Variants in SMIM23 observed in about 807,000 individuals in gnomAD.
SMIM23 encodes small integral membrane protein 23, also known as CTB-78H18.1.
In SMIM23, 10 loss-of-function variants were observed where a neutral mutation model predicts 12.8. The ratio of observed to expected loss-of-function variants is 0.78; its 90% CI spans 0.48 to 1.32. SMIM23 has a LOEUF of 1.32. Among genes scored for constraint, SMIM23 ranks in the 40% most tolerant of loss-of-function variants. SMIM23 has a pLI of 0.00. For missense variants in SMIM23, 184 were observed against 198.2 expected, an observed-to-expected ratio of 0.93 and a Z score of 0.43; for synonymous variants, 78 against 80.1, an observed-to-expected ratio of 0.97 and a Z score of 0.14.
chr5:171,785,750 C>T, upstream of SMIM23: 1 of 749,304 alleles, frequency 1.3e-6, no homozygotes, highest in Non-Finnish European at 2.2e-6. Flanking sequence ...CCTTGCTGTC[C>T]CTACCTTCTG....
the SMIM23 span, among the ~76,000 whole-genome samples, chr5:171,776,238 G>C: frequency 7.5e-6 from 1 of 133,082 alleles, no homozygotes; most frequent in South Asian, 2.8e-4. Context: ...ACAGCGTGCA[G>C]CCCACGGTCT....
Position 171,791,073 on chromosome 5 carries a change from C to A in SMIM23, c.504C>A (p.Ser168Arg). ...AGGGGTTGCTAGAGATTTCTCTAAGCGGGGCAGAGCTCTGACTCTTGAAGT... is the reference window on the plus strand; with the variant it reads ...AGGGGTTGCTAGAGATTTCTCTAAGAGGGGCAGAGCTCTGACTCTTGAAGT... ...GGEGLLEISL[S>R]GAEL The change falls in exon 4 of 4, where the codon AGC (serine) becomes AGA (arginine). Residue 168 changes from serine to arginine, a missense_variant. Coordinates refer to ENST00000523047, the MANE Select transcript of SMIM23 (RefSeq NM_001289970.2). 1.3e-6 allele frequency: 2 copies of A among 1,501,724 alleles called. No individual in the cohort carries two copies. Among genetic ancestry groups the A allele is most frequent in the Middle Eastern group, 2.4e-4 (1 of 4,218 alleles). 93.0% of individuals were successfully genotyped at this position (1,501,724 alleles called of 1,614,324 possible). A position where few individuals can be genotyped will look rare whatever the true frequency, so the allele number is the denominator to read the frequency against.
intron 1 of SMIM23, among the ~76,000 whole-genome samples, chr5:171,789,192 T>G (rs1019046155): frequency 1.3e-5 from 2 of 152,328 alleles, no homozygotes; most frequent in Admixed American, 6.5e-5. Context: ...CTCAACAAAA[T>G]AGTAGCTTAT....
At chr5:171,773,601 T>A in the SMIM23 span, 10 of 335,862 alleles carry the variant, frequency 3.0e-5, no homozygotes, top group African/African-American at 1.8e-4. Context: ...TGTTTGCCAA[T>A]GATTCAAGGC....
chr5:171,775,364 G>GCTGT, the SMIM23 span, among the ~76,000 whole-genome samples: 2 of 151,712 alleles, frequency 1.3e-5, no homozygotes, highest in Admixed American at 1.3e-4. Flanking sequence ...TTCGGGCCCT[G>GCTGT]CTGTCACGTG....
chr5:171,773,929 G>C, the SMIM23 span: 1 of 438,682 alleles, frequency 2.3e-6, no homozygotes, highest in Non-Finnish European at 4.5e-6. Flanking sequence ...ACTACACCAA[G>C]GAGGTGGGGC....
At chr5:171,783,812 G>A (rs1755764932), upstream of SMIM23, among the ~76,000 whole-genome samples, 1 of 152,216 alleles carries the variant, frequency 6.6e-6, no homozygotes, top group African/African-American at 2.4e-5. Context: ...ATCCTAAGAA[G>A]GACTAGTATC....
chr5:171,786,054 C>T, intron 1 of SMIM23, 78 bp downstream of exon 1: 2 of 1,178,862 alleles, frequency 1.7e-6, no homozygotes, highest in East Asian at 2.6e-5. Flanking sequence ...AGAAGTCCCT[C>T]AAAGCCCGGA....
At chr5:171,775,634 C>T in the SMIM23 span, among the ~76,000 whole-genome samples, 1 of 152,090 alleles carries the variant, frequency 6.6e-6, no homozygotes, top group African/African-American at 2.4e-5. Context: ...GTGGGTAAGG[C>T]CCCCAATGTC....
chr5:171,774,681 G>A, the SMIM23 span: 3 of 435,686 alleles, frequency 6.9e-6, no homozygotes, highest in Non-Finnish European at 1.4e-5. Flanking sequence ...ATCCCAGGAA[G>A]TGTCTTGGAT....
intron 1 of SMIM23, among the ~76,000 whole-genome samples, chr5:171,787,446 C>A (rs1755839558): frequency 6.6e-6 from 1 of 152,220 alleles, no homozygotes; most frequent in African/African-American, 2.4e-5. Flanking sequence ...AGTCCATGTT[C>A]CTCCCTTTGC....
the SMIM23 span, among the ~76,000 whole-genome samples, chr5:171,773,133 G>A: frequency 2.6e-5 from 4 of 152,174 alleles, no homozygotes; most frequent in African/African-American, 4.8e-5. Context: ...ACCTGGGTTC[G>A]AATCCTGACT....
At chr5:171,782,201 A>T (rs1755741413), upstream of SMIM23, among the ~76,000 whole-genome samples, 1 of 152,248 alleles carries the variant, frequency 6.6e-6, no homozygotes, top group Admixed American at 6.5e-5. Context: ...CGGTGAAGCC[A>T]CTAAAGGAAC....
At chr5:171,774,734 C>T in the SMIM23 span, 1 of 397,238 alleles carries the variant, frequency 2.5e-6, no homozygotes. Context: ...CACAACCTGA[C>T]ATGCAGCTAT....
the SMIM23 span, among the ~76,000 whole-genome samples, chr5:171,773,146 C>T: frequency 6.6e-6 from 1 of 152,172 alleles, no homozygotes; most frequent in Non-Finnish European, 1.5e-5. Context: ...TCCTGACTCT[C>T]CTGCCAGCAA....
chr5:171,789,830 C>A (rs565328204), intron 1 of SMIM23, among the ~76,000 whole-genome samples: 16 of 152,240 alleles, frequency 1.1e-4, no homozygotes, highest in African/African-American at 3.9e-4. Flanking sequence ...TCTAAGATGA[C>A]GGAAATGCTC....
the SMIM23 span, chr5:171,774,491 G>A: frequency 2.2e-6 from 1 of 456,266 alleles, no homozygotes; most frequent in Non-Finnish European, 4.4e-6. Context: ...TTGCACCTCG[G>A]ATGGCCGAGG....
chr5:171,777,032 T>C, the SMIM23 span, among the ~76,000 whole-genome samples: 1 of 151,458 alleles, frequency 6.6e-6, no homozygotes, highest in African/African-American at 2.4e-5. Flanking sequence ...GCCTGCCTTA[T>C]TTTTCCCTCC....
chr5:171,782,493 A>G (rs956791666), upstream of SMIM23: 5 of 152,384 alleles, frequency 3.3e-5, no homozygotes, highest in Non-Finnish European at 4.4e-5. Context: ...TAGGAGAATT[A>G]GATGAAATAA....
Sources: gnomAD v4.1 joint callset for allele counts (sites outside exome capture counted in the v4.1 genomes callset) on GRCh38, gnomAD v4.1.1 for gene constraint, MANE v1.5 for transcripts, NCBI Gene and HGNC (gene_info 2026-07-23, HGNC 2026-07-21) for gene names.